The following LRRK1 variants were observed in gnomAD, a reference collection of about 807,000 sequenced individuals.
LRRK1 encodes leucine-rich repeat serine/threonine-protein kinase 1.
In LRRK1, 113 loss-of-function variants were observed where a neutral mutation model predicts 209.1. That is an observed-to-expected ratio of 0.54 (90% CI 0.46 to 0.63). The LOEUF is 0.63. LRRK1 is among the 30% of genes least tolerant of loss of function. The pLI, the probability that LRRK1 is intolerant of heterozygous loss-of-function variation, is 0.00. For missense variants in LRRK1, 2,284 were observed against 2,632.2 expected (o/e 0.87, Z 2.89); for synonymous variants, 1,144 against 1,099.7 (o/e 1.04, Z -0.80).
Position 100,941,422 on chromosome 15 carries a change from G to GTGTC in LRRK1, c.97+16696_97+16697insCTGT, listed in dbSNP as rs1567191041. Among the ~76,000 whole-genome samples, 33 of 102,388 alleles carry GTGTC rather than the reference G, an allele frequency of 3.2e-4. 4 individuals are homozygous for GTGTC. The highest frequency in any genetic ancestry group is 1.5e-3 in the African/African-American group (27 of 18,284). The allele number at this position is 102,388 out of a possible 152,430, so 67.2% of individuals were successfully genotyped here. A position where few individuals can be genotyped will look rare whatever the true frequency, so the allele number is the denominator to read the frequency against. ...TGTCTGTGTGTGTCTCTGTGTGTGTGTGTGTCTGTGTGTGTGTGTGTGTCT... is the reference window on the plus strand; with the variant it reads ...TGTCTGTGTGTGTCTCTGTGTGTGTGTGTCTGTGTCTGTGTGTGTGTGTGTGTCT... On this transcript the variant is annotated intron_variant, in intron 2 of 33. Coordinates refer to ENST00000388948, the MANE Select transcript of LRRK1 (RefSeq NM_024652.6).
intron 2 of LRRK1, among the ~76,000 whole-genome samples, chr15:100,951,846 G>A (rs2042658090): frequency 6.6e-6 from 1 of 151,908 alleles, no homozygotes. Context: ...CAGCTACTTA[G>A]GAGGCTGAGG....
chr15:100,946,282 A>G (rs2042537798), intron 2 of LRRK1, among the ~76,000 whole-genome samples: 1 of 152,204 alleles, frequency 6.6e-6, no homozygotes, highest in South Asian at 2.1e-4. Flanking sequence ...CTATGAGAAT[A>G]CAGGAAAGTT....
intron 20 of LRRK1, among the ~76,000 whole-genome samples, chr15:101,040,709 G>A (rs1414710150): frequency 1.3e-5 from 2 of 152,056 alleles, no homozygotes; most frequent in South Asian, 4.1e-4. Flanking sequence ...TTGCTATGTT[G>A]TGTTTTTATC....
At chr15:101,064,510 G>C (rs2036407288) in intron 31 of LRRK1, 2 of 152,976 alleles carry the variant, frequency 1.3e-5, no homozygotes, top group South Asian at 4.1e-4. Flanking sequence ...CCAGCATTCA[G>C]CAAGGTCCCT....
intron 2 of LRRK1, among the ~76,000 whole-genome samples, chr15:100,932,171 A>G (rs145960214): frequency 1.3e-5 from 2 of 152,218 alleles, no homozygotes; most frequent in African/African-American, 4.8e-5. Context: ...TTTTTAGTAG[A>G]GATGGTGTTT....
rs1251610090 is a variant in LRRK1 at position 101,077,450 on chromosome 15, T to G, written c.*8602T>G. The G allele has an allele frequency of 6.6e-6, 1 of 152,242 alleles. No homozygotes were observed. The highest frequency in any genetic ancestry group is 2.4e-5 in the African/African-American group (1 of 41,458). 9.4% of individuals were successfully genotyped at this position (152,242 alleles called of 1,614,324 possible). A position where few individuals can be genotyped will look rare whatever the true frequency, so the allele number is the denominator to read the frequency against. Reference sequence around the variant, plus strand: ...GAACTCTTAAATACATAATCTTTGCTGGCAGGACTATGCTGAACCTCCTTT... The same window carrying G: ...GAACTCTTAAATACATAATCTTTGCGGGCAGGACTATGCTGAACCTCCTTT... On this transcript the variant is annotated 3_prime_UTR_variant, in exon 34 of 34. Coordinates refer to ENST00000388948, the MANE Select transcript of LRRK1 (RefSeq NM_024652.6).
At position 101,074,798 on chromosome 15, in the gene LRRK1, C is replaced by G. The variant is rs1160735186; in HGVS notation, c.*5950C>G. 6.6e-6 allele frequency: 1 copy of G among 152,100 alleles called. No individual in the cohort carries two copies. The highest frequency in any genetic ancestry group is 1.5e-5 in the Non-Finnish European group (1 of 68,030). 9.4% of individuals were successfully genotyped at this position (152,100 alleles called of 1,614,324 possible). A position where few individuals can be genotyped will look rare whatever the true frequency, so the allele number is the denominator to read the frequency against. On this transcript the variant is annotated 3_prime_UTR_variant, in exon 34 of 34. Transcript: ENST00000388948. The stretch of plus-strand genomic sequence containing the variant: ...GGCATTCCTCCAGAACCTCCTCCCC[C>G]AGGAGCTTGCTACAAGTGCCAGAAA...
intron 2 of LRRK1, among the ~76,000 whole-genome samples, chr15:100,952,977 T>C (rs1409445635): frequency 6.6e-6 from 1 of 152,248 alleles, no homozygotes; most frequent in Non-Finnish European, 1.5e-5. Context: ...TCACTTACTT[T>C]ACAGTTTTAT....
chr15:101,000,837 C>T (rs1241074758), intron 6 of LRRK1, among the ~76,000 whole-genome samples: 2 of 152,182 alleles, frequency 1.3e-5, no homozygotes, highest in East Asian at 1.9e-4. Flanking sequence ...CAGTACGGGG[C>T]GTTAGGACTT....
chr15:100,983,377 A>G (rs1026178904), intron 3 of LRRK1, 151 bp from the exon 4 acceptor site: 1 of 619,076 alleles, frequency 1.6e-6, no homozygotes, highest in Non-Finnish European at 2.8e-6. Context: ...GCCACATTTC[A>G]AGTGCTGCCC....
At chr15:101,017,638 A>G (rs146530894) in intron 12 of LRRK1, among the ~76,000 whole-genome samples, 3,528 of 152,166 alleles carry the variant, frequency 0.023, 72 homozygotes, top group Middle Eastern at 0.041. Flanking sequence ...TGCCCTCCTT[A>G]TGAGAATCTA....
intron 2 of LRRK1, among the ~76,000 whole-genome samples, chr15:100,931,439 A>C (rs1485013673): frequency 2.0e-5 from 3 of 152,244 alleles, no homozygotes; most frequent in Admixed American, 2.0e-4. Context: ...GATTATTTTA[A>C]ATATGAAGCC....
chr15:101,061,635 A>C (rs1467037777), intron 30 of LRRK1, among the ~76,000 whole-genome samples: 1 of 152,206 alleles, frequency 6.6e-6, no homozygotes, highest in Non-Finnish European at 1.5e-5. Flanking sequence ...TCTTGCCTTC[A>C]CATCAGGGAA....
chr15:101,063,403 T>A (rs2036310666), intron 31 of LRRK1, among the ~76,000 whole-genome samples: 1 of 152,130 alleles, frequency 6.6e-6, no homozygotes, highest in Admixed American at 6.5e-5. Flanking sequence ...TCCACGCACC[T>A]CTTCCCAGAC....
At position 100,988,812 on chromosome 15, in the gene LRRK1, A is replaced by G. The variant is rs1239047417; in HGVS notation, c.612A>G (p.Ser204=). The G allele has an allele frequency of 1.3e-6, 2 of 1,594,540 alleles. No individual in the cohort carries two copies. Among genetic ancestry groups the G allele is most frequent in the African/African-American group, 2.7e-5 (2 of 74,638 alleles). ...TGCCCCTGTATGCGGCCATCAAGTC[A>G]GGTGGGTTTCCCCACTACCCTGAGT... is the stretch of plus-strand genomic sequence containing the variant. The part of the protein sequence containing the change: ...VRLPLYAAIK[S]GNEDIAIFLL... The change falls in exon 5 of 34, where the codon TCA becomes TCG. Residue 204 remains serine, a splice_region_variant and synonymous_variant. Coordinates refer to ENST00000388948, the MANE Select transcript of LRRK1 (RefSeq NM_024652.6).
chr15:101,000,581 G>A (rs986699506), intron 6 of LRRK1, among the ~76,000 whole-genome samples: 3 of 152,200 alleles, frequency 2.0e-5, no homozygotes, highest in African/African-American at 4.8e-5. Flanking sequence ...AGCCCTGAGG[G>A]AGGGTCTTTC....
At chr15:101,054,705 G>GA (rs1332682054) in intron 26 of LRRK1, among the ~76,000 whole-genome samples, 1 of 152,156 alleles carries the variant, frequency 6.6e-6, no homozygotes, top group Non-Finnish European at 1.5e-5. Flanking sequence ...TACTCAACTT[G>GA]GGAGGCTGAG....
In LRRK1 at chr15:101,071,399, T is replaced by A. The variant is rs1328362722; in HGVS notation, c.*2551T>A. 1 of 152,352 alleles carries A rather than the reference T, an allele frequency of 6.6e-6. No homozygotes were observed. Among genetic ancestry groups the A allele is most frequent in the East Asian group, 1.9e-4 (1 of 5,202 alleles). The allele number at this position is 152,352 out of a possible 1,614,324, so 9.4% of individuals were successfully genotyped here. A position where few individuals can be genotyped will look rare whatever the true frequency, so the allele number is the denominator to read the frequency against. On this transcript the variant is annotated 3_prime_UTR_variant, in exon 34 of 34. Coordinates refer to ENST00000388948, the MANE Select transcript of LRRK1 (RefSeq NM_024652.6). ...GTGTTTTTTTTGTTTTGTTTTGTTT[T>A]TGTTTTTTGAGACGGAGTCTCGCTC... is the stretch of plus-strand genomic sequence containing the variant.
intron 12 of LRRK1, among the ~76,000 whole-genome samples, chr15:101,018,535 C>T (rs545944501): frequency 5.9e-5 from 9 of 152,172 alleles, no homozygotes; most frequent in East Asian, 1.9e-4. Context: ...TTAGAAATGC[C>T]GAATCCTTCC....
Sources: allele counts gnomAD v4.1 joint callset (sites outside exome capture counted in the v4.1 genomes callset), GRCh38; gene constraint gnomAD v4.1.1; transcripts MANE v1.5; gene names NCBI Gene and HGNC (gene_info 2026-07-23, HGNC 2026-07-21).